The following RRM2B variants were observed in gnomAD, a reference collection of about 807,000 sequenced individuals.
RRM2B encodes the protein ribonucleoside-diphosphate reductase subunit M2 B.
Under a neutral mutation model 45.9 loss-of-function variants are expected in RRM2B, and 20 were observed. The observed-to-expected ratio is 0.44, with a 90% CI of 0.31 to 0.63. RRM2B has a LOEUF of 0.63. RRM2B is among the 30% of genes least tolerant of loss of function. The pLI is 0.09. For missense variants in RRM2B, 320 were observed against 414.7 expected (o/e 0.77, Z 1.98); for synonymous variants, 124 against 132.3 (o/e 0.94, Z 0.43).
intron 6 of RRM2B, 21 bp downstream of exon 6, chr8:102,218,793 G>A (rs775139335): frequency 1.3e-6 from 2 of 1,558,680 alleles, no homozygotes; most frequent in Non-Finnish European, 1.8e-6. Context: ...AATATAACTA[G>A]AAAAACATTC....
chr8:102,225,232 T>TG (rs1156550448), intron 3 of RRM2B, among the ~76,000 whole-genome samples: 4 of 138,616 alleles, frequency 2.9e-5, no homozygotes, highest in African/African-American at 1.1e-4. Flanking sequence ...TATATTCTTT[T>TG]TTTTTTTTTT....
chr8:102,212,913 T>C lies in RRM2B; in HGVS notation c.790-24A>G, dbSNP rs761548912. 45 of 1,165,808 alleles carry C rather than the reference T, an allele frequency of 3.9e-5. No homozygotes were observed. The South Asian group carries it at 5.3e-4, about 14-fold the overall frequency. The allele number at this position is 1,165,808 out of a possible 1,614,324, so 72.2% of individuals were successfully genotyped here. On this transcript the variant is annotated intron_variant, in intron 7 of 8. Coordinates refer to ENST00000251810, the MANE Select transcript of RRM2B (RefSeq NM_015713.5). Reference sequence around the variant, plus strand: ...TCCTGGGATGAAAACAAAAACAGAATAAAGTACAAACAAAACTATAAATAT... The same window carrying C: ...TCCTGGGATGAAAACAAAAACAGAACAAAGTACAAACAAAACTATAAATAT...
chr8:102,215,944 C>CAAAAAAAAAAAAAAA (rs60059243), intron 6 of RRM2B, among the ~76,000 whole-genome samples: 10 of 75,690 alleles, frequency 1.3e-4, no homozygotes, highest in African/African-American at 1.7e-4. Context: ...GACCCTGTCT[C>CAAAAAAAAAAAAAAA]AAAAAAAAAA....
At chr8:102,212,633 C>T in intron 8 of RRM2B, 143 bp downstream of exon 8, 2 of 568,982 alleles carry the variant, frequency 3.5e-6, no homozygotes, top group Non-Finnish European at 6.2e-6. Context: ...TTTGCAAAAC[C>T]TTGTTCATAC....
rs1472338810 is a variant in RRM2B, at chr8:102,212,773, T to C, written c.903+3A>G. The stretch of plus-strand genomic sequence containing the variant: ...AGTAGTAACACATTTTTAAACACAT[T>C]ACCTTTGAGAATCCAAGTTCCACAA... On this transcript the variant is annotated splice_donor_region_variant and intron_variant, in intron 8 of 8. Coordinates refer to ENST00000251810, the MANE Select transcript of RRM2B (RefSeq NM_015713.5). 1.3e-6 allele frequency: 2 copies of C among 1,494,400 alleles called. No homozygotes were observed. Among genetic ancestry groups the C allele is most frequent in the East Asian group, 4.5e-5 (2 of 44,244 alleles). 92.6% of individuals were successfully genotyped at this position (1,494,400 alleles called of 1,614,324 possible).
intron 2 of RRM2B, among the ~76,000 whole-genome samples, chr8:102,231,083 T>A (rs1158680742): frequency 6.6e-6 from 1 of 152,212 alleles, no homozygotes. Context: ...TAGAGATACA[T>A]ATACAAACAT....
At chr8:102,217,478 A>G (rs2132548311) in intron 6 of RRM2B, among the ~76,000 whole-genome samples, 1 of 152,334 alleles carries the variant, frequency 6.6e-6, no homozygotes, top group East Asian at 1.9e-4. Flanking sequence ...TTAAAAAAAT[A>G]CTTTCACATA....
intron 4 of RRM2B, 47 bp downstream of exon 4, chr8:102,224,838 A>G (rs776596092): frequency 2.5e-6 from 4 of 1,582,342 alleles, no homozygotes; most frequent in Non-Finnish European, 3.5e-6. Flanking sequence ...TGATCTGAAC[A>G]TAACCAAGCC....
intron 3 of RRM2B, 63 bp downstream of exon 3, chr8:102,225,855 A>C: frequency 1.1e-6 from 1 of 885,854 alleles, no homozygotes; most frequent in Non-Finnish European, 1.9e-6. Flanking sequence ...TAATAATCTT[A>C]CTGACATTAT....
intron 2 of RRM2B, 35 bp downstream of exon 2, chr8:102,232,114 A>C (rs1811040859): frequency 1.9e-6 from 3 of 1,591,694 alleles, no homozygotes; most frequent in Non-Finnish European, 2.6e-6. Context: ...ACTGCACTAT[A>C]GGATGTGAAT....
intron 6 of RRM2B, among the ~76,000 whole-genome samples, chr8:102,217,481 T>C (rs1247074445): frequency 6.6e-6 from 1 of 152,188 alleles, no homozygotes; most frequent in Non-Finnish European, 1.5e-5. Context: ...AAAAAATACT[T>C]TCACATACAC....
chr8:102,211,610 T>C (rs980081626), intron 8 of RRM2B, among the ~76,000 whole-genome samples: 1 of 152,228 alleles, frequency 6.6e-6, no homozygotes, highest in Non-Finnish European at 1.5e-5. Context: ...GGTTAAAGAA[T>C]AGCGAATTCA....
At chr8:102,226,888 T>C (rs1810941924) in intron 2 of RRM2B, among the ~76,000 whole-genome samples, 1 of 152,150 alleles carries the variant, frequency 6.6e-6, no homozygotes, top group Non-Finnish European at 1.5e-5. Flanking sequence ...TAATTATTTG[T>C]ATTTTTTAGT....
intron 5 of RRM2B, among the ~76,000 whole-genome samples, chr8:102,220,431 T>C (rs1810810441): frequency 6.6e-6 from 1 of 151,892 alleles, no homozygotes; most frequent in Non-Finnish European, 1.5e-5. Context: ...AAAAGAAAAA[T>C]TGATATTTTA....
rs915258805 is a variant in RRM2B, at chr8:102,212,856, T to A, written c.823A>T (p.Ile275Phe). ...FLTEALPVGL[I>F]GMNCILMKQY... Reference sequence around the variant, plus strand: ...TTCATCAAAATGCAATTCATTCCAATGAGGCCAACTGGCAAGGCTTCTGTT... The same window carrying A: ...TTCATCAAAATGCAATTCATTCCAAAGAGGCCAACTGGCAAGGCTTCTGTT... The change falls in exon 8 of 9, where the codon ATT becomes TTT. Residue 275 changes from isoleucine (I) to phenylalanine (F), a missense_variant. Physicochemically the swap from Ile to Phe is conservative, Grantham distance 21 (BLOSUM62 0). This residue lies in a region of RRM2B where 225 missense variants were observed against 289.4 expected (regional missense o/e 0.78). Coordinates refer to ENST00000251810, the MANE Select transcript of RRM2B (RefSeq NM_015713.5). 6 of 1,609,244 alleles carry A rather than the reference T, an allele frequency of 3.7e-6. No homozygotes were observed. Among genetic ancestry groups the A allele is most frequent in the Non-Finnish European group, 5.1e-6 (6 of 1,175,884 alleles).
At chr8:102,213,088 G>A (rs927019616) in intron 7 of RRM2B, among the ~76,000 whole-genome samples, 199 bp from the exon 8 acceptor site, 3 of 152,030 alleles carry the variant, frequency 2.0e-5, no homozygotes, top group Non-Finnish European at 4.4e-5. Context: ...ATTTTTTCAT[G>A]TTTTCGAAGA....
At chr8:102,219,190 AAAG>A (rs1563662625) in intron 5 of RRM2B, among the ~76,000 whole-genome samples, 1 of 152,234 alleles carries the variant, frequency 6.6e-6, no homozygotes, top group Non-Finnish European at 1.5e-5. Flanking sequence ...GGCGTTGGAC[AAAG>A]AAGGACCTTC....
intron 8 of RRM2B, among the ~76,000 whole-genome samples, chr8:102,211,108 C>T (rs564670101): frequency 1.3e-5 from 2 of 152,204 alleles, no homozygotes; most frequent in Admixed American, 1.3e-4. Flanking sequence ...GCCTCCCAGG[C>T]TCAAGTGATC....
intron 6 of RRM2B, among the ~76,000 whole-genome samples, chr8:102,216,178 G>A (rs1329383480): frequency 6.6e-6 from 1 of 151,934 alleles, no homozygotes; most frequent in Non-Finnish European, 1.5e-5. Context: ...GACAGCGCAA[G>A]TCAATGAAGA....
Sources: allele counts gnomAD v4.1 joint callset (sites outside exome capture counted in the v4.1 genomes callset), GRCh38; gene constraint gnomAD v4.1.1; regional missense constraint gnomAD v4.1.1; transcripts MANE v1.5; gene names NCBI Gene and HGNC (gene_info 2026-07-23, HGNC 2026-07-21).